ATP8A2: variants seen among roughly 807,000 people sequenced by gnomAD.
The protein encoded by ATP8A2 is phospholipid-transporting ATPase IB.
ATP8A2 carries 100 observed loss-of-function variants against 165.6 expected under a neutral mutation model. The ratio of observed to expected loss-of-function variants is 0.60; its 90% CI spans 0.51 to 0.71. The LOEUF (loss-of-function observed/expected upper bound fraction) is 0.71, where lower values mean the gene tolerates loss of function less well. Among genes scored for constraint, ATP8A2 ranks in the 30% least tolerant of loss-of-function variants. ATP8A2 has a pLI of 0.00. For synonymous variants in ATP8A2, 543 were observed against 548.8 expected (o/e 0.99, Z 0.15); for missense variants, 1,227 against 1,479.5 (o/e 0.83, Z 2.80).
At chr13:25,640,812 T>A (rs918460122) in intron 24 of ATP8A2, among the ~76,000 whole-genome samples, 3 of 152,096 alleles carry the variant, frequency 2.0e-5, no homozygotes, top group African/African-American at 7.2e-5. Context: ...AAAAGAGAAT[T>A]TTAGACCAAT....
chr13:25,636,512 G>T (rs982184621), intron 24 of ATP8A2, among the ~76,000 whole-genome samples: 1 of 151,938 alleles, frequency 6.6e-6, no homozygotes, highest in Non-Finnish European at 1.5e-5. Flanking sequence ...TCTGCCCTAT[G>T]TTCTTAGTAT....
intron 33 of ATP8A2, among the ~76,000 whole-genome samples, chr13:25,924,783 G>T (rs1455893131): frequency 6.6e-6 from 1 of 152,132 alleles, no homozygotes; most frequent in Non-Finnish European, 1.5e-5. Flanking sequence ...GGAGGTAATT[G>T]AATCATGGGG....
intron 25 of ATP8A2, among the ~76,000 whole-genome samples, chr13:25,737,705 C>T (rs567138513): frequency 1.5e-3 from 222 of 152,134 alleles, no homozygotes; most frequent in Non-Finnish European, 2.7e-3. Context: ...GTTTTTGAGA[C>T]GGAGTCTCAC....
chr13:25,775,146 A>G (rs1566125964), intron 27 of ATP8A2, among the ~76,000 whole-genome samples, 187 bp downstream of exon 27: 1 of 152,188 alleles, frequency 6.6e-6, no homozygotes, highest in South Asian at 2.1e-4. Flanking sequence ...CTAGATCCTC[A>G]TGCTGGATGA....
chr13:25,960,758 T>C (rs1955640708), intron 33 of ATP8A2, among the ~76,000 whole-genome samples: 1 of 152,092 alleles, frequency 6.6e-6, no homozygotes, highest in African/African-American at 2.4e-5. Context: ...TCACCTAACA[T>C]CTAACTTGGC....
chr13:25,916,659 C>T (rs1954276474), intron 33 of ATP8A2, among the ~76,000 whole-genome samples: 1 of 152,138 alleles, frequency 6.6e-6, no homozygotes, highest in Admixed American at 6.5e-5. Context: ...TCTTTGTTTC[C>T]AAATGAGGAA....
chr13:25,810,971 CT>C (rs1308225713), intron 27 of ATP8A2, among the ~76,000 whole-genome samples: 1 of 152,064 alleles, frequency 6.6e-6, no homozygotes, highest in African/African-American at 2.4e-5. Flanking sequence ...TTGTTTTCAA[CT>C]TACCCTGTGA....
At position 25,691,514 on chromosome 13, in the gene ATP8A2, T is replaced by C. The variant is rs374640637; in HGVS notation, c.2212-7659T>C. ...TTGTGGGAGGTAGGGATGGCCAGTG[T>C]AGAGAAATATGTCATGGGGTAAGTG... On this transcript the variant is annotated intron_variant, in intron 24 of 36. Coordinates refer to ENST00000381655, the MANE Select transcript of ATP8A2 (RefSeq NM_016529.6). Among the ~76,000 whole-genome samples the C allele has an allele frequency of 4.6e-5, 7 of 152,308 alleles. 1 individual carries two copies. The East Asian group carries it at 1.2e-3, about 25-fold the overall frequency.
chr13:25,646,381 T>A (rs2041670576), intron 24 of ATP8A2, among the ~76,000 whole-genome samples: 1 of 152,098 alleles, frequency 6.6e-6, no homozygotes, highest in South Asian at 2.1e-4. Flanking sequence ...CTGGGCAAGG[T>A]GGCTCACACC....
chr13:25,874,551 C>T lies in ATP8A2; in HGVS notation c.3183+12143C>T, dbSNP rs150586120. Among the ~76,000 whole-genome samples the T allele has an allele frequency of 4.5e-3, 679 of 152,250 alleles. 6 individuals carry two copies. The highest frequency in any genetic ancestry group is 0.015 in the African/African-American group (637 of 41,558). ...ATGGCCACTCTTAGAAACACAAGAA[C>T]AGAAAACAGAAAATAAGTAGTTGGT... On this transcript the variant is annotated intron_variant, in intron 33 of 36. Transcript: ENST00000381655.
At chr13:25,378,824 G>C (rs1390211981) in intron 1 of ATP8A2, among the ~76,000 whole-genome samples, 1 of 152,170 alleles carries the variant, frequency 6.6e-6, no homozygotes, top group East Asian at 1.9e-4. Flanking sequence ...CAGTGCTGTT[G>C]GGAAGAGAGC....
chr13:25,622,288 G>A (rs1311435263), intron 24 of ATP8A2, among the ~76,000 whole-genome samples: 1 of 151,868 alleles, frequency 6.6e-6, no homozygotes, highest in Non-Finnish European at 1.5e-5. Flanking sequence ...CAGATTTTTG[G>A]TAACTGCCAA....
At chr13:25,745,565 G>C (rs2044012836) in intron 25 of ATP8A2, among the ~76,000 whole-genome samples, 1 of 152,102 alleles carries the variant, frequency 6.6e-6, no homozygotes. Flanking sequence ...CATCTATCTA[G>C]GCTCTGGACT....
chr13:25,441,972 A>G (rs1453844703), intron 1 of ATP8A2, among the ~76,000 whole-genome samples: 1 of 151,730 alleles, frequency 6.6e-6, no homozygotes, highest in Non-Finnish European at 1.5e-5. Flanking sequence ...GATTTTGACT[A>G]CTCTAAGTAC....
intron 24 of ATP8A2, among the ~76,000 whole-genome samples, chr13:25,674,377 T>G (rs891418425): frequency 1.1e-4 from 16 of 152,172 alleles, no homozygotes; most frequent in Non-Finnish European, 1.9e-4. Context: ...CAATAAATTA[T>G]GCATCCTTCA....
At chr13:25,475,251 T>C (rs775517084) in intron 2 of ATP8A2, among the ~76,000 whole-genome samples, 12 of 152,170 alleles carry the variant, frequency 7.9e-5, no homozygotes, top group Non-Finnish European at 1.5e-4. Flanking sequence ...AGCTCCCTCT[T>C]GTAAGTGAGA....
At chr13:25,542,566 A>G (rs2038515338) in intron 9 of ATP8A2, among the ~76,000 whole-genome samples, 1 of 151,952 alleles carries the variant, frequency 6.6e-6, no homozygotes, top group Non-Finnish European at 1.5e-5. Context: ...CTGATGTTGG[A>G]GAGCAGTTTC....
At chr13:25,936,180 T>G (rs1364449785) in intron 33 of ATP8A2, among the ~76,000 whole-genome samples, 1 of 152,250 alleles carries the variant, frequency 6.6e-6, no homozygotes, top group Admixed American at 6.5e-5. Context: ...GTTTCCTCTG[T>G]GTTGCAAATG....
chr13:25,767,394 G>A (rs79931388), intron 25 of ATP8A2, among the ~76,000 whole-genome samples: 2,478 of 152,298 alleles, frequency 0.016, 75 homozygotes, highest in African/African-American at 0.056. Flanking sequence ...GCTCTCAGTT[G>A]CCTAAAAGAT....
Sources: gnomAD v4.1 joint callset for allele counts (sites outside exome capture counted in the v4.1 genomes callset) on GRCh38, gnomAD v4.1.1 for gene constraint, MANE v1.5 for transcripts, NCBI Gene and HGNC (gene_info 2026-07-23, HGNC 2026-07-21) for gene names.